Variants in LRBA observed in about 807,000 individuals in gnomAD.
LRBA encodes LPS responsive beige-like anchor protein, also known as lipopolysaccharide-responsive and beige-like anchor protein.
A neutral mutation model predicts 330.0 loss-of-function variants in LRBA; 176 were observed. That is an observed-to-expected ratio of 0.53 (90% CI 0.47 to 0.60). LRBA has a LOEUF of 0.60. LRBA is among the 20% of genes least tolerant of loss of function. LRBA has a pLI of 0.00. For missense variants in LRBA, 3,259 were observed against 3,444.8 expected, an observed-to-expected ratio of 0.95 and a Z score of 1.35; for synonymous variants, 1,230 against 1,193.0, an observed-to-expected ratio of 1.03 and a Z score of -0.64.
At chr4:150,304,044 T>G (rs926857321) in intron 52 of LRBA, among the ~76,000 whole-genome samples, 1 of 152,200 alleles carries the variant, frequency 6.6e-6, no homozygotes, top group Non-Finnish European at 1.5e-5. Context: ...CCATACAATG[T>G]CTACCCTTAA....
At chr4:150,647,216 A>AT (rs1226669322) in intron 37 of LRBA, among the ~76,000 whole-genome samples, 5 of 151,932 alleles carry the variant, frequency 3.3e-5, no homozygotes, top group Non-Finnish European at 7.4e-5. Context: ...AAATGTTCAT[A>AT]TTTTTTAACT....
chr4:150,789,887 C>CA (rs1739659294), intron 34 of LRBA, among the ~76,000 whole-genome samples: 1 of 152,078 alleles, frequency 6.6e-6, no homozygotes, highest in Non-Finnish European at 1.5e-5. Flanking sequence ...GGTACATGTG[C>CA]ACAACATCAT....
chr4:150,798,714 T>C (rs1449283141), intron 33 of LRBA, among the ~76,000 whole-genome samples: 1 of 152,216 alleles, frequency 6.6e-6, no homozygotes, highest in Non-Finnish European at 1.5e-5. Flanking sequence ...TTATGTTTCA[T>C]TTTGGTTCAC....
In LRBA at chr4:150,678,863, T is replaced by A. The variant is rs564415614; in HGVS notation, c.5921+4688A>T. Among the ~76,000 whole-genome samples the A allele has an allele frequency of 3.3e-5, 5 of 152,294 alleles. No homozygotes were observed. In the South Asian group the frequency reaches 1.0e-3, roughly 32 times the overall value. On this transcript the variant is annotated intron_variant, in intron 37 of 56. Transcript: ENST00000651943. The stretch of plus-strand genomic sequence containing the variant: ...TAAGAATGGGTGTATATTGCACTTA[T>A]GAGTACCCATTTGCTTGATTATCCA...
chr4:150,403,865 T>C (rs902656668), intron 47 of LRBA, among the ~76,000 whole-genome samples: 21 of 152,218 alleles, frequency 1.4e-4, no homozygotes, highest in African/African-American at 4.8e-4. Flanking sequence ...ACCCGGTCTC[T>C]ACTAAAAATA....
Position 150,350,168 on chromosome 4 carries a change from A to G in LRBA, c.7195-9T>C. The G allele has an allele frequency of 6.5e-7, 1 of 1,541,906 alleles. No homozygotes were observed. The highest frequency in any genetic ancestry group is 2.1e-5 in the Admixed American group (1 of 46,804). Reference sequence around the variant, plus strand: ...AATTCACTCTCCAGGGCCTGAAAAAAGGTATACATTGTATTACTATGCTGA... The same window carrying G: ...AATTCACTCTCCAGGGCCTGAAAAAGGGTATACATTGTATTACTATGCTGA... On this transcript the variant is annotated splice_polypyrimidine_tract_variant and intron_variant, in intron 47 of 56. Transcript: ENST00000651943.
At chr4:150,293,805 C>T (rs750446380) in intron 53 of LRBA, among the ~76,000 whole-genome samples, 1 of 152,156 alleles carries the variant, frequency 6.6e-6, no homozygotes, top group Non-Finnish European at 1.5e-5. Context: ...GCAAGACCAG[C>T]CCTCTGCTTC....
At chr4:150,704,588 T>C (rs1372390632) in intron 36 of LRBA, among the ~76,000 whole-genome samples, 2 of 152,144 alleles carry the variant, frequency 1.3e-5, no homozygotes, top group South Asian at 2.1e-4. Flanking sequence ...CCAATAACAA[T>C]AGATTTGGGC....
chr4:150,840,727 T>C (rs1235762859), intron 28 of LRBA: 2 of 172,528 alleles, frequency 1.2e-5, no homozygotes, highest in Non-Finnish European at 2.5e-5. Flanking sequence ...AGACATAAAG[T>C]ACATGCTGTT....
At chr4:151,004,247 C>T (rs1178442938) in intron 2 of LRBA, among the ~76,000 whole-genome samples, 4 of 152,078 alleles carry the variant, frequency 2.6e-5, no homozygotes, top group East Asian at 1.9e-4. Context: ...ATCTTGGCCA[C>T]GCTGTTCTTG....
At chr4:150,386,245 C>T (rs528373411) in intron 47 of LRBA, among the ~76,000 whole-genome samples, 12 of 152,102 alleles carry the variant, frequency 7.9e-5, no homozygotes, top group African/African-American at 2.2e-4. Context: ...AAATTAAATA[C>T]CTTTTTCTAA....
rs1731613037 is a variant in LRBA, at chr4:150,908,674, C to A, written c.1345G>T (p.Ala449Ser). The part of the protein sequence containing the change: ...NPSIFVHSPH[A>S]LMLQDVKAVL... ...ACAGTTAGTACCTGGAGCATGAGTG[C>A]ATGTGGTGAATGAACAAAAATTGAA... Residue 449 changes from alanine to serine, a missense_variant, in exon 10 of 57, where the codon GCA becomes TCA. Ala to Ser is a moderately conservative substitution (Grantham distance 99, BLOSUM62 1). Transcript: ENST00000651943. 6.2e-7 allele frequency: 1 copy of A among 1,613,196 alleles called. No homozygotes were observed. Among genetic ancestry groups the A allele is most frequent in the South Asian group, 1.1e-5 (1 of 91,014 alleles).
At chr4:150,976,625 G>A (rs913837940) in intron 2 of LRBA, among the ~76,000 whole-genome samples, 6 of 152,046 alleles carry the variant, frequency 3.9e-5, no homozygotes, top group African/African-American at 9.7e-5. Flanking sequence ...GATCATCGCC[G>A]CGACAGAAAC....
At chr4:150,554,926 T>C (rs1440050429) in intron 40 of LRBA, among the ~76,000 whole-genome samples, 2 of 152,090 alleles carry the variant, frequency 1.3e-5, no homozygotes, top group African/African-American at 2.4e-5. Flanking sequence ...TACATATTCA[T>C]TCATTCAAAA....
In LRBA at chr4:151,014,596, T is replaced by A; in HGVS notation, c.47A>T (p.Asp16Val). ...NRVPSPPPTG[D>V]DGGGGGREET... ...TTCTCTCCCTCCACCTCCCCCGTCA[T>A]CACCTGTTGGTGGCGGGGAAGGGAC... is the stretch of plus-strand genomic sequence containing the variant. Residue 16 changes from aspartate to valine, a missense_variant, in exon 2 of 57, where the codon GAT becomes GTT. Coordinates refer to ENST00000651943, the MANE Select transcript of LRBA (RefSeq NM_001364905.1). The A allele has an allele frequency of 6.2e-7, 1 of 1,611,144 alleles. No individual in the cohort carries two copies. The highest frequency in any genetic ancestry group is 1.1e-5 in the South Asian group (1 of 90,538).
At chr4:150,297,707 A>G (rs933582175) in intron 53 of LRBA, among the ~76,000 whole-genome samples, 2 of 152,212 alleles carry the variant, frequency 1.3e-5, no homozygotes, top group South Asian at 2.1e-4. Flanking sequence ...AACATAAAAT[A>G]CCATCCAAAT....
At chr4:150,822,345 C>T (rs572326602) in intron 30 of LRBA, among the ~76,000 whole-genome samples, 8 of 152,148 alleles carry the variant, frequency 5.3e-5, no homozygotes, top group South Asian at 4.2e-4. Flanking sequence ...GAAATAAATG[C>T]TAAAATACAT....
chr4:150,466,808 A>C (rs1055086559), intron 44 of LRBA, among the ~76,000 whole-genome samples: 2 of 152,150 alleles, frequency 1.3e-5, no homozygotes, highest in Non-Finnish European at 2.9e-5. Flanking sequence ...TATAAATTGG[A>C]GGAATCAGTT....
chr4:150,876,604 C>T (rs1044370113), intron 17 of LRBA, among the ~76,000 whole-genome samples: 1 of 152,094 alleles, frequency 6.6e-6, no homozygotes, highest in African/African-American at 2.4e-5. Context: ...ATTTCATATC[C>T]ACCCAAACTA....
Sources: allele counts gnomAD v4.1 joint callset (sites outside exome capture counted in the v4.1 genomes callset), GRCh38; gene constraint gnomAD v4.1.1; transcripts MANE v1.5; gene names NCBI Gene and HGNC (gene_info 2026-07-23, HGNC 2026-07-21).